The following BDP1 variants were observed in gnomAD, a reference collection of about 807,000 sequenced individuals.
BDP1 encodes the protein transcription factor TFIIIB component B'' homolog.
BDP1 carries 169 observed loss-of-function variants against 266.6 expected under a neutral mutation model. That is an observed-to-expected ratio of 0.63 (90% confidence interval 0.56 to 0.72). BDP1 has a LOEUF of 0.72. BDP1 is among the 30% of genes least tolerant of loss of function. The probability of loss-of-function intolerance (pLI) is 0.00; values close to 1 mark genes in which losing one functional copy is unlikely to be tolerated. For missense variants in BDP1, 3,015 were observed against 3,053.8 expected (o/e 0.99, Z 0.30); for synonymous variants, 1,090 against 1,022.4 (o/e 1.07, Z -1.26).
chr5:71,571,674 G>A (rs468033), downstream of BDP1, among the ~76,000 whole-genome samples: 67,501 of 151,672 alleles, frequency 0.45, 15,388 homozygotes, highest in South Asian at 0.55. Context: ...TGCTCTTGTT[G>A]CCCAGGCTGG....
chr5:71,469,219 G>C (rs888621093), intron 6 of BDP1, among the ~76,000 whole-genome samples: 2 of 151,116 alleles, frequency 1.3e-5, no homozygotes, highest in African/African-American at 4.9e-5. Flanking sequence ...GCTCACTGCA[G>C]CCGCCACCTC....
intron 28 of BDP1, among the ~76,000 whole-genome samples, chr5:71,540,270 T>C (rs1253407321): frequency 8.2e-6 from 1 of 121,958 alleles, no homozygotes; most frequent in Non-Finnish European, 1.9e-5. Flanking sequence ...TTACCATTCA[T>C]TTTATTTACT....
intron 30 of BDP1, among the ~76,000 whole-genome samples, chr5:71,543,685 G>A (rs1023523975): frequency 1.1e-4 from 16 of 152,192 alleles, no homozygotes; most frequent in African/African-American, 3.9e-4. Flanking sequence ...TTTACAAGAT[G>A]AAACATCTGT....
At chr5:71,577,358 C>G in the BDP1 span, among the ~76,000 whole-genome samples, 3 of 152,176 alleles carry the variant, frequency 2.0e-5, no homozygotes, top group Non-Finnish European at 4.4e-5. Context: ...TCAAACAGCT[C>G]AGTATGTGGA....
chr5:71,574,987 A>G, the BDP1 span, among the ~76,000 whole-genome samples: 67,484 of 152,076 alleles, frequency 0.44, 15,376 homozygotes, highest in South Asian at 0.55. Flanking sequence ...TAACTTCTGC[A>G]TACTTACTGG....
chr5:71,510,301 A>T lies in BDP1; in HGVS notation c.3209A>T (p.Asp1070Val). The T allele has an allele frequency of 6.2e-7, 1 of 1,613,792 alleles. No homozygotes were observed. Among genetic ancestry groups the T allele is most frequent in the Non-Finnish European group, 8.5e-7 (1 of 1,179,934 alleles). The change falls in exon 17 of 39, where the codon GAC becomes GTC. Residue 1070 changes from aspartate to valine, a missense_variant. Physicochemically the swap from Asp to Val is radical, Grantham distance 152. Coordinates refer to ENST00000358731, the MANE Select transcript of BDP1 (RefSeq NM_018429.3). ...ACGGATTTGAAAGCAACTGGAAGAGACAGTTTCCCAAGGGGGAAGACACCA... is the reference window on the plus strand; with the variant it reads ...ACGGATTTGAAAGCAACTGGAAGAGTCAGTTTCCCAAGGGGGAAGACACCA... ...METDLKATGRDSFPRGKTPEV... is the reference protein window; with the variant it reads ...METDLKATGRVSFPRGKTPEV...
intron 7 of BDP1, among the ~76,000 whole-genome samples, chr5:71,482,415 A>C (rs1763017455): frequency 6.6e-6 from 1 of 152,172 alleles, no homozygotes; most frequent in African/African-American, 2.4e-5. Flanking sequence ...CCTTTGCTTG[A>C]AAATAATTGA....
At chr5:71,519,153 C>A (rs1765372826) in intron 22 of BDP1, among the ~76,000 whole-genome samples, 1 of 151,958 alleles carries the variant, frequency 6.6e-6, no homozygotes, top group South Asian at 2.1e-4. Flanking sequence ...TACAGCCCCT[C>A]CCCCTGCTTT....
chr5:71,574,880 C>G, the BDP1 span, among the ~76,000 whole-genome samples: 2 of 152,162 alleles, frequency 1.3e-5, no homozygotes, highest in Admixed American at 1.3e-4. Context: ...CTGTGTAATA[C>G]AAATTAAAGG....
At chr5:71,523,351 C>T (rs1765604405) in intron 24 of BDP1, among the ~76,000 whole-genome samples, 1 of 152,116 alleles carries the variant, frequency 6.6e-6, no homozygotes, top group South Asian at 2.1e-4. Flanking sequence ...TTTCACTCTT[C>T]TCGCGCAGGC....
downstream of BDP1, among the ~76,000 whole-genome samples, chr5:71,571,897 T>C (rs1034561343): frequency 5.9e-5 from 9 of 152,118 alleles, no homozygotes; most frequent in Middle Eastern, 3.2e-3. Context: ...GCTGGGAATA[T>C]GTTGGGAGCC....
At chr5:71,504,297 A>T (rs1764441229) in intron 15 of BDP1, among the ~76,000 whole-genome samples, 2 of 151,372 alleles carry the variant, frequency 1.3e-5, no homozygotes, top group South Asian at 4.1e-4. Context: ...AGAAAAAAAA[A>T]TTCCCGTGAT....
In BDP1 at chr5:71,541,550, A is replaced by G. The variant is rs762140985; in HGVS notation, c.6119A>G (p.Gln2040Arg). Residue 2040 changes from glutamine (Q) to arginine (R), a missense_variant, in exon 29 of 39, where the codon CAG becomes CGG. By Grantham distance (43) the Gln-to-Arg change is conservative. Transcript: ENST00000358731. Reference sequence around the variant, plus strand: ...AATCACAAAATTGTTCATGAATGTCAGGAACTTTCTTCACCTGTCATTACT... The same window carrying G: ...AATCACAAAATTGTTCATGAATGTCGGGAACTTTCTTCACCTGTCATTACT... The part of the protein sequence containing the change: ...NVNHKIVHEC[Q>R]ELSSPVITTS... The G allele has an allele frequency of 9.3e-6, 15 of 1,612,356 alleles. No individual in the cohort carries two copies. The highest frequency in any genetic ancestry group is 8.5e-6 in the Non-Finnish European group (10 of 1,178,778).
At chr5:71,501,830 T>TATAAATTTTA in intron 14 of BDP1, among the ~76,000 whole-genome samples, 177 bp downstream of exon 14, 1 of 152,200 alleles carries the variant, frequency 6.6e-6, no homozygotes, top group Non-Finnish European at 1.5e-5. Flanking sequence ...CTGCTTGATA[T>TATAAATTTTA]TGCTTATATA....
intron 32 of BDP1, among the ~76,000 whole-genome samples, chr5:71,546,097 T>C (rs1188341826): frequency 6.6e-6 from 1 of 152,132 alleles, no homozygotes; most frequent in Non-Finnish European, 1.5e-5. Context: ...TGCAGACAGA[T>C]CATAAAAGGA....
chr5:71,577,620 A>G, the BDP1 span, among the ~76,000 whole-genome samples: 1 of 152,244 alleles, frequency 6.6e-6, no homozygotes, highest in African/African-American at 2.4e-5. Context: ...TTCACATCCG[A>G]CATCACCTTT....
At chr5:71,558,843 A>AC (rs1359480053) in intron 36 of BDP1, among the ~76,000 whole-genome samples, 5 of 149,946 alleles carry the variant, frequency 3.3e-5, no homozygotes, top group Non-Finnish European at 5.9e-5. Context: ...AAAAAAAAAA[A>AC]ACAACAAAAA....
chr5:71,466,054 T>G, intron 4 of BDP1, 42 bp from the exon 5 acceptor site: 1 of 1,598,930 alleles, frequency 6.3e-7, no homozygotes, highest in Non-Finnish European at 8.5e-7. Context: ...TTAGGCACAC[T>G]TTTCATGCCT....
intron 36 of BDP1, 58 bp from the exon 37 acceptor site, chr5:71,559,924 T>C: frequency 6.4e-7 from 1 of 1,555,410 alleles, no homozygotes; most frequent in Non-Finnish European, 8.7e-7. Context: ...AATGCTGGGA[T>C]TACATGGAGT....
Sources: gnomAD v4.1 joint callset for allele counts (sites outside exome capture counted in the v4.1 genomes callset) on GRCh38, gnomAD v4.1.1 for gene constraint, MANE v1.5 for transcripts, NCBI Gene and HGNC (gene_info 2026-07-23, HGNC 2026-07-21) for gene names.